Variants in ALKBH3 observed in about 807,000 individuals in gnomAD.
ALKBH3 encodes the protein alpha-ketoglutarate-dependent dioxygenase alkB homolog 3.
ALKBH3 carries 51 observed loss-of-function variants against 43.9 expected under a neutral mutation model. The ratio of observed to expected loss-of-function variants is 1.16; its 90% CI spans 0.93 to 1.47. ALKBH3 has a LOEUF of 1.47. ALKBH3 is among the 40% of genes most tolerant of loss of function. ALKBH3 has a pLI of 0.00. For missense variants in ALKBH3, 361 were observed against 351.9 expected, an observed-to-expected ratio of 1.03 and a Z score of -0.21; for synonymous variants, 102 against 115.2, an observed-to-expected ratio of 0.89 and a Z score of 0.73.
At chr11:43,903,505 G>A (rs1314120194) in intron 8 of ALKBH3, among the ~76,000 whole-genome samples, 15 of 152,180 alleles carry the variant, frequency 9.9e-5, no homozygotes, top group Non-Finnish European at 1.5e-5. Context: ...GGGGGCCGTA[G>A]CAGTGAATGA....
chr11:43,882,751 T>C lies in ALKBH3; in HGVS notation c.79+20T>C. The C allele has an allele frequency of 6.2e-7, 1 of 1,605,896 alleles. No homozygotes were observed. Among genetic ancestry groups the C allele is most frequent in the African/African-American group, 1.3e-5 (1 of 74,464 alleles). Reference sequence around the variant, plus strand: ...AGCCAGGCAAGAATCTGTAGGGATTTTGTGTGTGTGTGGATATGGACAACT... The same window carrying C: ...AGCCAGGCAAGAATCTGTAGGGATTCTGTGTGTGTGTGGATATGGACAACT... On this transcript the variant is annotated intron_variant, in intron 2 of 9. Transcript: ENST00000302708.
intron 7 of ALKBH3, chr11:43,899,372 G>A: frequency 1.4e-6 from 1 of 702,412 alleles, no homozygotes; most frequent in South Asian, 1.4e-5. Flanking sequence ...GCCCCAGGTG[G>A]ATGATGTGCT....
intron 8 of ALKBH3, among the ~76,000 whole-genome samples, chr11:43,908,199 A>C (rs1951909718): frequency 6.6e-6 from 1 of 152,234 alleles, no homozygotes; most frequent in Non-Finnish European, 1.5e-5. Flanking sequence ...AGAGATAGCC[A>C]GATTTCAATT....
chr11:43,913,123 C>G (rs1291748550), intron 8 of ALKBH3, among the ~76,000 whole-genome samples: 1 of 135,190 alleles, frequency 7.4e-6, no homozygotes, highest in Non-Finnish European at 1.6e-5. Context: ...AAAAAAAAAA[C>G]AAGTACAGGC....
chr11:43,885,730 C>T (rs1399150792), intron 4 of ALKBH3, among the ~76,000 whole-genome samples: 1 of 152,200 alleles, frequency 6.6e-6, no homozygotes, highest in Non-Finnish European at 1.5e-5. Context: ...CAATAATCTA[C>T]CTATTCCTTG....
chr11:43,905,726 T>C (rs1951891754), intron 8 of ALKBH3, among the ~76,000 whole-genome samples: 1 of 152,210 alleles, frequency 6.6e-6, no homozygotes, highest in Non-Finnish European at 1.5e-5. Context: ...CCTTTTTTAT[T>C]CTATCAGGCT....
In ALKBH3 at chr11:43,884,159, G is replaced by A. The variant is rs376030830; in HGVS notation, c.218+142G>A. ...AGTCTGGGATATTCCCATCTCAAAT[G>A]TCTTTAAACTTGATCTTTTGAGAAG... On this transcript the variant is annotated intron_variant, in intron 4 of 9. Coordinates refer to ENST00000302708, the MANE Select transcript of ALKBH3 (RefSeq NM_139178.4). The A allele has an allele frequency of 3.1e-5, 31 of 997,038 alleles. No individual in the cohort carries two copies. The African/African-American group carries it at 4.1e-4, about 13-fold the overall frequency. 61.8% of individuals were successfully genotyped at this position (997,038 alleles called of 1,614,324 possible).
At chr11:43,906,217 CTA>C (rs1369916716) in intron 8 of ALKBH3, among the ~76,000 whole-genome samples, 2 of 152,162 alleles carry the variant, frequency 1.3e-5, no homozygotes, top group African/African-American at 4.8e-5. Context: ...GCGGTAGAGA[CTA>C]TGAGAGCACC....
intron 7 of ALKBH3, among the ~76,000 whole-genome samples, chr11:43,895,148 A>G (rs946544139): frequency 2.2e-4 from 33 of 152,218 alleles, no homozygotes; most frequent in African/African-American, 6.8e-4. Flanking sequence ...ATACTTAATA[A>G]TAGTAACAAT....
intron 7 of ALKBH3, among the ~76,000 whole-genome samples, chr11:43,900,380 T>A (rs760437428): frequency 3.0e-4 from 45 of 151,784 alleles, no homozygotes; most frequent in Non-Finnish European, 5.4e-4. Flanking sequence ...CATGCCACCA[T>A]GCCCAGCTGA....
intron 7 of ALKBH3, among the ~76,000 whole-genome samples, chr11:43,895,441 T>A (rs1490241647): frequency 6.6e-6 from 1 of 152,220 alleles, no homozygotes; most frequent in Non-Finnish European, 1.5e-5. Flanking sequence ...TCCTCCTTTG[T>A]CTTCTGCCTT....
chr11:43,919,388 C>T (rs1952009402), intron 9 of ALKBH3, among the ~76,000 whole-genome samples: 1 of 152,220 alleles, frequency 6.6e-6, no homozygotes, highest in Non-Finnish European at 1.5e-5. Context: ...TCACTAGCCA[C>T]ATATGACTGA....
chr11:43,916,841 C>G (rs1330955419), intron 8 of ALKBH3: 1 of 152,234 alleles, frequency 6.6e-6, no homozygotes, highest in Non-Finnish European at 1.5e-5. Flanking sequence ...TGTTGCCACT[C>G]TGGCCTCGAG....
chr11:43,906,673 C>A (rs758779493), intron 8 of ALKBH3, among the ~76,000 whole-genome samples: 6 of 151,858 alleles, frequency 4.0e-5, no homozygotes, highest in Non-Finnish European at 7.4e-5. Flanking sequence ...ACAGTGAGAC[C>A]CCATCTCTAT....
chr11:43,889,250 C>T (rs1951767158), intron 5 of ALKBH3, among the ~76,000 whole-genome samples: 1 of 152,196 alleles, frequency 6.6e-6, no homozygotes, highest in Admixed American at 6.5e-5. Context: ...GTCTCGAACT[C>T]CTGACCTCAG....
intron 2 of ALKBH3, 38 bp from the exon 3 acceptor site, chr11:43,883,047 T>C: frequency 6.4e-7 from 1 of 1,563,580 alleles, no homozygotes; most frequent in Non-Finnish European, 8.8e-7. Context: ...GAGAACAGAC[T>C]TTCCCCTGGT....
At chr11:43,917,048 G>C (rs35402462) in intron 8 of ALKBH3, 28,824 of 152,184 alleles carry the variant, frequency 0.19, 3,108 homozygotes, top group Non-Finnish European at 0.26. Flanking sequence ...GGACTGATTC[G>C]AGTGGCTCCC....
In ALKBH3 at chr11:43,882,602, A is replaced by C; in HGVS notation, c.-51A>C. The C allele has an allele frequency of 1.3e-6, 2 of 1,564,122 alleles. No homozygotes were observed. Among genetic ancestry groups the C allele is most frequent in the Non-Finnish European group, 8.7e-7 (1 of 1,152,034 alleles). On this transcript the variant is annotated 5_prime_UTR_variant, in exon 2 of 10. Transcript: ENST00000302708. Reference sequence around the variant, plus strand: ...AAACAGATACCATGGAGTAGTTTGAAACAGGAACAAAATCTTCTGAAAGCT... The same window carrying C: ...AAACAGATACCATGGAGTAGTTTGACACAGGAACAAAATCTTCTGAAAGCT...
rs35870160 is a variant in ALKBH3, at chr11:43,908,458, G to A, written c.669+6733G>A. ...GGCTCAGCTGGAGGTGAGGTATGGC[G>A]GAATGTGTTCTCATATGCTTTCAGA... On this transcript the variant is annotated intron_variant, in intron 8 of 9. Transcript: ENST00000302708. 5.0e-3 allele frequency among the ~76,000 whole-genome samples: 760 copies of A among 152,234 alleles called. 5 individuals carry two copies. The highest frequency in any genetic ancestry group is 0.017 in the African/African-American group (708 of 41,554).
Sources: allele counts gnomAD v4.1 joint callset (sites outside exome capture counted in the v4.1 genomes callset), GRCh38; gene constraint gnomAD v4.1.1; transcripts MANE v1.5; gene names NCBI Gene and HGNC (gene_info 2026-07-23, HGNC 2026-07-21).